PDE4B: variants seen among roughly 807,000 people sequenced by gnomAD.
PDE4B encodes the protein 3',5'-cyclic-AMP phosphodiesterase 4B.
In PDE4B, 20 loss-of-function variants were observed where a neutral mutation model predicts 82.2. The ratio of observed to expected loss-of-function variants is 0.24; its 90% CI spans 0.17 to 0.35. PDE4B has a LOEUF of 0.35. PDE4B is among the 10% of genes least tolerant of loss of function. The pLI, the probability that PDE4B is intolerant of heterozygous loss-of-function variation, is 1.00. For missense variants in PDE4B, 655 were observed against 907.2 expected, an observed-to-expected ratio of 0.72 and a Z score of 3.57; for synonymous variants, 320 against 318.9, an observed-to-expected ratio of 1.00 and a Z score of -0.04.
intron 3 of PDE4B, among the ~76,000 whole-genome samples, chr1:66,143,140 G>A (rs959020814): frequency 2.0e-5 from 3 of 152,202 alleles, no homozygotes; most frequent in Non-Finnish European, 2.9e-5. Context: ...TGCTTATGAA[G>A]GACTTCTCTT....
Position 65,927,979 on chromosome 1 carries a change from G to A in PDE4B, c.281+9144G>A, listed in dbSNP as rs545192209. On this transcript the variant is annotated intron_variant, in intron 3 of 16. Coordinates refer to ENST00000341517, the MANE Select transcript of PDE4B (RefSeq NM_002600.4). ...AATTACCTGACCTCCATAAGCCCCT[G>A]CTTTAACTGGAGGACCACAGTGACA... Among the ~76,000 whole-genome samples, 401 of 152,266 alleles carry A rather than the reference G, an allele frequency of 2.6e-3. 2 individuals carry two copies. Among genetic ancestry groups the A allele is most frequent in the African/African-American group, 9.4e-3 (392 of 41,540 alleles).
intron 1 of PDE4B, among the ~76,000 whole-genome samples, chr1:65,882,728 T>A (rs1646723165): frequency 6.6e-6 from 1 of 151,872 alleles, no homozygotes. Context: ...ATTCATAGAA[T>A]GATGAATAAT....
intron 3 of PDE4B, among the ~76,000 whole-genome samples, chr1:65,990,632 A>G (rs1216645716): frequency 6.6e-6 from 1 of 152,220 alleles, no homozygotes; most frequent in Non-Finnish European, 1.5e-5. Context: ...TTTAGATATT[A>G]AAACATGCAT....
At chr1:65,990,791 C>A (rs1651201504) in intron 3 of PDE4B, among the ~76,000 whole-genome samples, 1 of 152,056 alleles carries the variant, frequency 6.6e-6, no homozygotes, top group Non-Finnish European at 1.5e-5. Flanking sequence ...GCTCTGTTAC[C>A]TTGTCTTTGG....
chr1:65,796,472 C>T (rs989541009), intron 1 of PDE4B, among the ~76,000 whole-genome samples: 3 of 151,628 alleles, frequency 2.0e-5, no homozygotes, highest in Non-Finnish European at 2.9e-5. Context: ...TTTTCAAGTT[C>T]GCTGATTCTG....
At chr1:66,284,404 A>G (rs1425153979) in intron 7 of PDE4B, among the ~76,000 whole-genome samples, 1 of 152,180 alleles carries the variant, frequency 6.6e-6, no homozygotes, top group Non-Finnish European at 1.5e-5. Flanking sequence ...CAAGGAAGGT[A>G]TAAGATATAT....
At position 66,368,947 on chromosome 1, in the gene PDE4B, C is replaced by T. The variant is rs1434143363; in HGVS notation, c.1823C>T (p.Thr608Ile). ...MEISPMCDKH[T>I]ASVEKSQVGF... ...ATTAGCCCAATGTGTGATAAACACACAGCTTCTGTGGAAAAATCCCAGGTA... is the reference window on the plus strand; with the variant it reads ...ATTAGCCCAATGTGTGATAAACACATAGCTTCTGTGGAAAAATCCCAGGTA... The change falls in exon 16 of 17, where the codon ACA becomes ATA. Residue 608 changes from threonine (T) to isoleucine (I), a missense_variant. Thr to Ile is a moderately conservative substitution (Grantham distance 89, BLOSUM62 -1). Coordinates refer to ENST00000341517, the MANE Select transcript of PDE4B (RefSeq NM_002600.4). 1 of 1,608,832 alleles carries T rather than the reference C, an allele frequency of 6.2e-7. No individual in the cohort carries two copies. The highest frequency in any genetic ancestry group is 1.1e-5 in the South Asian group (1 of 90,092).
chr1:65,989,893 A>ATTTTTTTTTTT (rs10654149), intron 3 of PDE4B, among the ~76,000 whole-genome samples: 2 of 142,536 alleles, frequency 1.4e-5, no homozygotes, highest in Non-Finnish European at 3.0e-5. Flanking sequence ...AAAGTGTCTC[A>ATTTTTTTTTTT]TTTTTTTTTT....
At chr1:66,007,740 C>T (rs537933648) in intron 3 of PDE4B, among the ~76,000 whole-genome samples, 7 of 152,162 alleles carry the variant, frequency 4.6e-5, no homozygotes, top group African/African-American at 9.6e-5. Flanking sequence ...GAAACAAATT[C>T]GCATTTTAAT....
At chr1:66,086,325 C>G (rs1045286349) in intron 3 of PDE4B, among the ~76,000 whole-genome samples, 1 of 152,110 alleles carries the variant, frequency 6.6e-6, no homozygotes, top group African/African-American at 2.4e-5. Context: ...AGCACGCAGT[C>G]AGGTGTGGTG....
intron 1 of PDE4B, among the ~76,000 whole-genome samples, chr1:65,859,258 C>G (rs1232863262): frequency 2.0e-5 from 3 of 151,784 alleles, no homozygotes; most frequent in Non-Finnish European, 4.4e-5. Context: ...CCCTTTTGCA[C>G]TGGTTTACAT....
chr1:66,147,288 C>T (rs752270518), intron 3 of PDE4B, among the ~76,000 whole-genome samples: 22 of 152,126 alleles, frequency 1.4e-4, no homozygotes, highest in Non-Finnish European at 2.5e-4. Flanking sequence ...AATAAATATT[C>T]GTTATCATAT....
At chr1:66,020,762 G>A (rs1266318466) in intron 3 of PDE4B, among the ~76,000 whole-genome samples, 1 of 152,148 alleles carries the variant, frequency 6.6e-6, no homozygotes, top group African/African-American at 2.4e-5. Context: ...TGTGAATAGT[G>A]CCACAATAAA....
intron 3 of PDE4B, among the ~76,000 whole-genome samples, chr1:66,203,231 G>T (rs983346414): frequency 6.6e-6 from 1 of 152,088 alleles, no homozygotes; most frequent in South Asian, 2.1e-4. Context: ...TTACTCTGAT[G>T]GGCTTCCCTT....
At chr1:66,262,930 G>A (rs998503995) in intron 6 of PDE4B, among the ~76,000 whole-genome samples, 21 of 152,178 alleles carry the variant, frequency 1.4e-4, no homozygotes, top group African/African-American at 4.8e-4. Context: ...ACGCTATAAA[G>A]AAAGTAGAGA....
intron 1 of PDE4B, among the ~76,000 whole-genome samples, chr1:65,907,941 G>C (rs756065952): frequency 3.3e-5 from 5 of 152,078 alleles, no homozygotes; most frequent in Non-Finnish European, 7.4e-5. Flanking sequence ...CATACACAAG[G>C]GTGGTCTCGT....
intron 1 of PDE4B, among the ~76,000 whole-genome samples, chr1:65,895,391 A>G (rs758922259): frequency 6.6e-6 from 1 of 151,902 alleles, no homozygotes; most frequent in Non-Finnish European, 1.5e-5. Context: ...CTCTACTGAA[A>G]ATATGAAAAT....
Position 66,355,547 on chromosome 1 carries a change from G to A in PDE4B, c.768G>A (p.Arg256=). 1 of 1,611,732 alleles carries A rather than the reference G, an allele frequency of 6.2e-7. No individual in the cohort carries two copies. The highest frequency in any genetic ancestry group is 1.7e-4 in the Middle Eastern group (1 of 6,054). ...AACAGTTCAAAAGAATGCTGAACCG[G>A]GAGCTGACACACCTCTCAGAGATGA... ...ASNKFKRMLN[R]ELTHLSEMSR... The change falls in exon 9 of 17, where the codon CGG becomes CGA. Residue 256 remains arginine (R), a synonymous_variant. Coordinates refer to ENST00000341517, the MANE Select transcript of PDE4B (RefSeq NM_002600.4).
intron 3 of PDE4B, among the ~76,000 whole-genome samples, chr1:66,232,329 C>T (rs1001657258): frequency 6.6e-6 from 1 of 152,184 alleles, no homozygotes; most frequent in African/African-American, 2.4e-5. Context: ...CCTGAAGCAC[C>T]TGGCATCAGC....
Sources: gnomAD v4.1 joint callset for allele counts (sites outside exome capture counted in the v4.1 genomes callset) on GRCh38, gnomAD v4.1.1 for gene constraint, MANE v1.5 for transcripts, NCBI Gene and HGNC (gene_info 2026-07-23, HGNC 2026-07-21) for gene names.